The following TRAK2 variants were observed in gnomAD, a reference collection of about 807,000 sequenced individuals.
The protein encoded by TRAK2 is trafficking kinesin-binding protein 2.
TRAK2 carries 81 observed loss-of-function variants against 104.6 expected under a neutral mutation model. That is an observed-to-expected ratio of 0.77 (90% CI 0.65 to 0.93). The LOEUF is 0.93. TRAK2 is among the 40% of genes least tolerant of loss of function. TRAK2 has a pLI of 0.00. For synonymous variants in TRAK2, 406 were observed against 394.4 expected (o/e 1.03, Z -0.35); for missense variants, 1,002 against 1,089.0 (o/e 0.92, Z 1.12).
chr2:201,422,470 C>CAATGAATTTATTTATGA lies in TRAK2; in HGVS notation c.-199-1765_-199-1764insTCATAAATAAATTCATT, dbSNP rs1415872720. On this transcript the variant is annotated intron_variant, in intron 1 of 15. Transcript: ENST00000332624. ...ACTTATAGTTAATTCATTCTCATGC[C>CAATGAATTTATTTATGA]TGCTCTTCACAGGCATCATAAATAT... 2.6e-3 allele frequency among the ~76,000 whole-genome samples: 394 copies of CAATGAATTTATTTATGA among 152,234 alleles called. 3 individuals are homozygous for CAATGAATTTATTTATGA. The highest frequency in any genetic ancestry group is 8.7e-3 in the African/African-American group (361 of 41,528).
chr2:201,439,532 G>A (rs979771474), intron 1 of TRAK2, among the ~76,000 whole-genome samples: 3 of 152,026 alleles, frequency 2.0e-5, no homozygotes, highest in African/African-American at 7.2e-5. Flanking sequence ...AGGCCAGACA[G>A]AAAATAATTT....
intron 3 of TRAK2, among the ~76,000 whole-genome samples, chr2:201,406,162 T>G (rs1951593237): frequency 1.3e-5 from 2 of 152,210 alleles, no homozygotes; most frequent in Non-Finnish European, 2.9e-5. Flanking sequence ...TTAATTTAGC[T>G]ATTTAAAAGA....
In TRAK2 at chr2:201,380,773, T is replaced by G; in HGVS notation, c.2515A>C (p.Lys839Gln). 6.2e-7 allele frequency: 1 copy of G among 1,614,136 alleles called. No individual in the cohort carries two copies. The highest frequency in any genetic ancestry group is 8.5e-7 in the Non-Finnish European group (1 of 1,179,996). Residue 839 changes from lysine to glutamine, a missense_variant, in exon 16 of 16, where the codon AAG (lysine) becomes CAG (glutamine). Transcript: ENST00000332624. Reference sequence around the variant, plus strand: ...ACCACTCTGGCTATCCCCAGTCTCTTCAGCCTGTCCACTAAGTTCATCTTC... The same window carrying G: ...ACCACTCTGGCTATCCCCAGTCTCTGCAGCCTGTCCACTAAGTTCATCTTC... ...QLKMNLVDRL[K>Q]RLGIARVVKN...
intron 2 of TRAK2, among the ~76,000 whole-genome samples, chr2:201,409,283 T>G (rs1406408750): frequency 1.3e-5 from 2 of 152,118 alleles, no homozygotes; most frequent in Non-Finnish European, 1.5e-5. Flanking sequence ...TGTCAGCTTT[T>G]TTTTTTTTTG....
Position 201,379,942 on chromosome 2 carries a change from T to C in TRAK2, c.*601A>G, listed in dbSNP as rs185001876. 2 of 152,204 alleles carry C rather than the reference T, an allele frequency of 1.3e-5. No homozygotes were observed. Among genetic ancestry groups the C allele is most frequent in the South Asian group, 2.1e-4 (1 of 4,820 alleles). 9.4% of individuals were successfully genotyped at this position (152,204 alleles called of 1,614,324 possible). ...AAAGGCCTGAAAACAGAAAGGAAAA[T>C]AGGAGTCTCCACCTGTGATTCAATG... On this transcript the variant is annotated 3_prime_UTR_variant, in exon 16 of 16. Transcript: ENST00000332624.
intron 2 of TRAK2, 151 bp downstream of exon 2, chr2:201,420,266 G>A (rs983665294): frequency 6.4e-6 from 4 of 620,842 alleles, no homozygotes; most frequent in African/African-American, 5.5e-5. Context: ...GGACACAGGG[G>A]ATGGAGAGAT....
chr2:201,381,264 A>G, intron 15 of TRAK2, 46 bp from the exon 16 acceptor site: 2 of 1,517,424 alleles, frequency 1.3e-6, no homozygotes, highest in Non-Finnish European at 1.8e-6. Context: ...TAAGAATAAA[A>G]AGCAAGCTCC....
chr2:201,431,325 T>C (rs1235932283), intron 1 of TRAK2, among the ~76,000 whole-genome samples: 2 of 152,212 alleles, frequency 1.3e-5, no homozygotes, highest in African/African-American at 4.8e-5. Context: ...CAATTTATGA[T>C]CTTACAGTTC....
intron 1 of TRAK2, among the ~76,000 whole-genome samples, chr2:201,426,016 A>T (rs1295366468): frequency 4.6e-5 from 7 of 152,188 alleles, no homozygotes; most frequent in Non-Finnish European, 1.0e-4. Flanking sequence ...ACATAGGAAC[A>T]CAAAAATTTT....
chr2:201,408,821 A>G (rs1443909932), intron 2 of TRAK2, among the ~76,000 whole-genome samples: 1 of 152,202 alleles, frequency 6.6e-6, no homozygotes, highest in Non-Finnish European at 1.5e-5. Context: ...TCTGTGGAGG[A>G]TTCTTCAAAA....
chr2:201,430,786 C>T (rs1361122284), intron 1 of TRAK2, among the ~76,000 whole-genome samples: 4 of 152,352 alleles, frequency 2.6e-5, no homozygotes, highest in East Asian at 1.9e-4. Flanking sequence ...CCAGGTGAGG[C>T]GATGCCCTGC....
chr2:201,407,393 A>G lies in TRAK2; in HGVS notation c.286+10T>C. On this transcript the variant is annotated intron_variant, in intron 3 of 15. Coordinates refer to ENST00000332624, the MANE Select transcript of TRAK2 (RefSeq NM_015049.3). ...AATGCACAAACTAAAAGAGTAAAAA[A>G]AATACTCACTCATGTAACGGAAAGT... The G allele has an allele frequency of 1.2e-6, 2 of 1,608,074 alleles. No homozygotes were observed. Among genetic ancestry groups the G allele is most frequent in the Non-Finnish European group, 1.7e-6 (2 of 1,177,186 alleles).
intron 15 of TRAK2, among the ~76,000 whole-genome samples, chr2:201,381,654 A>G (rs547098543): frequency 6.6e-6 from 1 of 152,358 alleles, no homozygotes; most frequent in Non-Finnish European, 1.5e-5. Context: ...ACAATAATCC[A>G]TGGGTAAACA....
At position 201,410,725 on chromosome 2, in the gene TRAK2, G is replaced by A; in HGVS notation, c.92-3128C>T. 2.0e-6 allele frequency: 3 copies of A among 1,480,476 alleles called. No homozygotes were observed. The Admixed American group carries it at 5.0e-5, about 25-fold the overall frequency. 91.7% of individuals were successfully genotyped at this position (1,480,476 alleles called of 1,614,324 possible). ...GCCCGTAGCTGGAGAAACTTGAGGA[G>A]GTACAAACTGATTAAGCCACTGATT... On this transcript the variant is annotated intron_variant, in intron 2 of 15. Transcript: ENST00000332624.
intron 1 of TRAK2, among the ~76,000 whole-genome samples, chr2:201,450,392 C>T (rs961958703): frequency 2.0e-5 from 3 of 150,966 alleles, no homozygotes; most frequent in Non-Finnish European, 4.4e-5. Context: ...TCCAGCCTGG[C>T]GACAGAGCGA....
chr2:201,449,266 C>A (rs757650813), intron 1 of TRAK2, among the ~76,000 whole-genome samples: 12 of 152,134 alleles, frequency 7.9e-5, no homozygotes, highest in Non-Finnish European at 1.6e-4. Context: ...AACCACTCAA[C>A]CTTTAAAGTC....
intron 2 of TRAK2, chr2:201,412,033 T>A (rs1004339003): frequency 6.6e-6 from 7 of 1,054,040 alleles, no homozygotes; most frequent in Non-Finnish European, 1.0e-5. Flanking sequence ...CCATTTTTTG[T>A]AGGAAAATTA....
At chr2:201,403,885 C>T (rs1455732928) in intron 3 of TRAK2, among the ~76,000 whole-genome samples, 1 of 152,054 alleles carries the variant, frequency 6.6e-6, no homozygotes, top group African/African-American at 2.4e-5. Context: ...ATTCTTATGT[C>T]GAATGCGCAA....
intron 1 of TRAK2, among the ~76,000 whole-genome samples, chr2:201,444,115 C>T (rs1489547539): frequency 6.6e-6 from 1 of 151,938 alleles, no homozygotes; most frequent in African/African-American, 2.4e-5. Context: ...GCAGGAGAAT[C>T]GCTTGAACCC....
Sources: allele counts gnomAD v4.1 joint callset (sites outside exome capture counted in the v4.1 genomes callset), GRCh38; gene constraint gnomAD v4.1.1; transcripts MANE v1.5; gene names NCBI Gene and HGNC (gene_info 2026-07-23, HGNC 2026-07-21).